NHSL1: variants seen among roughly 807,000 people sequenced by gnomAD.
NHSL1 encodes the protein NHS like 1.
A neutral mutation model predicts 95.0 loss-of-function variants in NHSL1; 48 were observed. The observed-to-expected ratio is 0.51, with a 90% CI of 0.40 to 0.64. The LOEUF is 0.64. NHSL1 is among the 30% of genes least tolerant of loss of function. The pLI, the probability that NHSL1 is intolerant of heterozygous loss-of-function variation, is 0.00. For missense variants in NHSL1, 1,971 were observed against 2,077.7 expected, an observed-to-expected ratio of 0.95 and a Z score of 1.00; for synonymous variants, 783 against 833.9, an observed-to-expected ratio of 0.94 and a Z score of 1.05.
chr6:138,469,357 C>T (rs760023413), intron 3 of NHSL1, among the ~76,000 whole-genome samples: 1 of 152,174 alleles, frequency 6.6e-6, no homozygotes, highest in African/African-American at 2.4e-5. Context: ...AAGGCTTATG[C>T]GTTTAATTTC....
At chr6:138,437,421 C>CACACATAT (rs1776238451) in intron 5 of NHSL1, among the ~76,000 whole-genome samples, 4 of 32,042 alleles carry the variant, frequency 1.2e-4, no homozygotes, top group African/African-American at 5.7e-4. Flanking sequence ...TATACACACA[C>CACACATAT]ACACACACAC....
chr6:138,626,623 G>A lies in NHSL1; in HGVS notation c.96+65853C>T, dbSNP rs1180523890. On this transcript the variant is annotated intron_variant, in intron 1 of 3. Coordinates refer to the NHSL1 transcript ENST00000491526. Reference sequence around the variant, plus strand: ...TAAAAAAAATTGTAGGCCGGGCGCGGTGGCTCACGCCTGTAATCCCAGCAC... The same window carrying A: ...TAAAAAAAATTGTAGGCCGGGCGCGATGGCTCACGCCTGTAATCCCAGCAC... Among the ~76,000 whole-genome samples the A allele has an allele frequency of 2.8e-5, 2 of 71,408 alleles. 1 individual carries two copies. The highest frequency in any genetic ancestry group is 5.3e-5 in the Non-Finnish European group (2 of 37,634). 46.8% of individuals were successfully genotyped at this position (71,408 alleles called of 152,430 possible).
chr6:138,647,577 T>A (rs1268625935), intron 1 of NHSL1, among the ~76,000 whole-genome samples: 1 of 151,878 alleles, frequency 6.6e-6, no homozygotes, highest in Non-Finnish European at 1.5e-5. Context: ...CTTAAAAAAT[T>A]GATCCCATCA....
rs147517205 is a variant in NHSL1, at chr6:138,430,106, C to T, written c.3953-263G>A. ...TGCAACGTTTCTTTGCGCGGCTCTT[C>T]GGAAGGGAGGTGTTACCCATTGCTA... On this transcript the variant is annotated intron_variant, in intron 6 of 7. Transcript: ENST00000343505. This position sits in a 1 kb window ranked among gnomAD's most constrained non-coding sequence, Gnocchi z 4.7. 2.0e-5 allele frequency among the ~76,000 whole-genome samples: 3 copies of T among 152,308 alleles called. No homozygotes were observed. The highest frequency in any genetic ancestry group is 2.0e-4 in the Admixed American group (3 of 15,306).
At chr6:138,523,972 T>C (rs1235391595) in intron 1 of NHSL1, among the ~76,000 whole-genome samples, 1 of 152,226 alleles carries the variant, frequency 6.6e-6, no homozygotes, top group African/African-American at 2.4e-5. Context: ...CTCATTGAAC[T>C]CACATTACAG....
intron 1 of NHSL1, among the ~76,000 whole-genome samples, chr6:138,611,104 T>C (rs1583448379): frequency 6.7e-6 from 1 of 148,862 alleles, no homozygotes; most frequent in South Asian, 2.1e-4. Flanking sequence ...AGGAGAATGG[T>C]ATTTCAACAA....
At chr6:138,588,182 G>A (rs1171578058) in intron 1 of NHSL1, among the ~76,000 whole-genome samples, 1 of 152,248 alleles carries the variant, frequency 6.6e-6, no homozygotes, top group African/African-American at 2.4e-5. Context: ...ATAATAACTG[G>A]CTGGGCCTGG....
chr6:138,655,721 C>A (rs1407743645), intron 1 of NHSL1, among the ~76,000 whole-genome samples: 2 of 152,088 alleles, frequency 1.3e-5, no homozygotes, highest in African/African-American at 4.8e-5. Flanking sequence ...TGAAGTACTA[C>A]CACTTTGATG....
At chr6:138,540,919 C>G (rs12662054) in intron 1 of NHSL1, among the ~76,000 whole-genome samples, 1 of 152,156 alleles carries the variant, frequency 6.6e-6, no homozygotes, top group Non-Finnish European at 1.5e-5. Context: ...AAGAACCTGT[C>G]TAACACAAAC....
At chr6:138,578,225 A>G (rs974651582) in intron 1 of NHSL1, among the ~76,000 whole-genome samples, 7 of 152,200 alleles carry the variant, frequency 4.6e-5, no homozygotes, top group Admixed American at 3.9e-4. Flanking sequence ...CCACCTTTCA[A>G]AGTCTTCATG....
chr6:138,429,634 GAA>G, intron 7 of NHSL1, 75 bp downstream of exon 7: 1 of 1,330,680 alleles, frequency 7.5e-7, no homozygotes, highest in South Asian at 1.6e-5. Context: ...CCTCAAGGAA[GAA>G]AAGTAAATTG....
chr6:138,456,946 C>T (rs113076010), intron 3 of NHSL1, among the ~76,000 whole-genome samples: 143 of 150,896 alleles, frequency 9.5e-4, no homozygotes, highest in African/African-American at 3.4e-3. Context: ...TGGAGTGGTG[C>T]GATCTCAGCT....
At chr6:138,674,318 TG>T (rs1785419704) in intron 1 of NHSL1, among the ~76,000 whole-genome samples, 1 of 152,092 alleles carries the variant, frequency 6.6e-6, no homozygotes, top group Admixed American at 6.5e-5. Context: ...TTTTATTGTG[TG>T]TTTTTTTTTA....
In NHSL1 at chr6:138,433,109, G is replaced by A; in HGVS notation, c.1236C>T (p.Ile412=). 1 of 1,550,950 alleles carries A rather than the reference G, an allele frequency of 6.4e-7. No homozygotes were observed. Among genetic ancestry groups the A allele is most frequent in the Non-Finnish European group, 8.7e-7 (1 of 1,146,892 alleles). ...AGGAAGACAGTGTGGCATTTGGGAT[G>A]ATGCTGGTGGAGTAGGTTGCATGAG... is the stretch of plus-strand genomic sequence containing the variant. ...VSPHATYSTS[I]IPNATLSSSS... Residue 412 remains isoleucine (I), a synonymous_variant, in exon 6 of 8, where the codon ATC becomes ATT. Transcript: ENST00000343505.
At chr6:138,435,581 T>C (rs974837342) in intron 5 of NHSL1, among the ~76,000 whole-genome samples, 1 of 152,194 alleles carries the variant, frequency 6.6e-6, no homozygotes, top group Non-Finnish European at 1.5e-5. Context: ...CAAAATTCTA[T>C]TCCCAAAACA....
At chr6:138,648,826 AT>A (rs558043422) in intron 1 of NHSL1, among the ~76,000 whole-genome samples, 16 of 149,428 alleles carry the variant, frequency 1.1e-4, no homozygotes, top group Non-Finnish European at 1.0e-4. Flanking sequence ...AGAGGCAAGA[AT>A]TTTTTTTTTT....
chr6:138,540,063 A>G (rs750248029), intron 1 of NHSL1, among the ~76,000 whole-genome samples: 7 of 152,236 alleles, frequency 4.6e-5, no homozygotes, highest in Admixed American at 2.0e-4. Flanking sequence ...TGAAAAATGC[A>G]TGTTATTACC....
intron 1 of NHSL1, chr6:138,691,970 T>TA (rs1157289742): frequency 2.2e-6 from 1 of 456,532 alleles, no homozygotes; most frequent in African/African-American, 2.0e-5. Flanking sequence ...AGAACACAGG[T>TA]AGGCGGCGGG....
chr6:138,624,274 C>G (rs112520515), intron 1 of NHSL1, among the ~76,000 whole-genome samples: 1 of 152,084 alleles, frequency 6.6e-6, no homozygotes, highest in East Asian at 1.9e-4. Flanking sequence ...TAGGGTGGTG[C>G]CTGAGCCTCC....
Sources: gnomAD v4.1 joint callset for allele counts (sites outside exome capture counted in the v4.1 genomes callset) on GRCh38, gnomAD v4.1.1 for gene constraint, Gnocchi (gnomAD v3.1) non-coding constraint, MANE v1.5 for transcripts, NCBI Gene and HGNC (gene_info 2026-07-23, HGNC 2026-07-21) for gene names.